FERRY3: variants seen among roughly 807,000 people sequenced by gnomAD.
The protein encoded by FERRY3 is FERRY endosomal RAB5 effector complex subunit 3.
the FERRY3 span, chr12:4,525,411 T>A: frequency 6.2e-7 from 1 of 1,601,536 alleles, no homozygotes; most frequent in Non-Finnish European, 8.5e-7. Context: ...TTAATTTTTT[T>A]AACAAAAACA....
At chr12:4,527,354 A>AT in the FERRY3 span, among the ~76,000 whole-genome samples, 13,408 of 152,170 alleles carry the variant, frequency 0.088, 704 homozygotes, top group Non-Finnish European at 0.12. Flanking sequence ...GATACAATAT[A>AT]TTTTTTCTAT....
chr12:4,491,333 AAC>A, the FERRY3 span: 2 of 1,114,276 alleles, frequency 1.8e-6, no homozygotes, highest in African/African-American at 3.1e-5. Context: ...CCATGTTGTG[AAC>A]AGATTTAGGT....
At chr12:4,511,230 A>T in the FERRY3 span, among the ~76,000 whole-genome samples, 1 of 151,834 alleles carries the variant, frequency 6.6e-6, no homozygotes, top group East Asian at 1.9e-4. Flanking sequence ...GAGCACCCAG[A>T]TTCATAAAGC....
chr12:4,489,683 T>A, the FERRY3 span: 2 of 676,232 alleles, frequency 3.0e-6, no homozygotes, highest in African/African-American at 3.6e-5. Context: ...ACATGTATCT[T>A]GATTTGTGGA....
At chr12:4,528,066 G>T in the FERRY3 span, among the ~76,000 whole-genome samples, 25 of 152,090 alleles carry the variant, frequency 1.6e-4, no homozygotes, top group Admixed American at 1.6e-3. Flanking sequence ...TTTCTAGGGG[G>T]TAGAGGCAGC....
At chr12:4,489,651 A>C in the FERRY3 span, 1 of 509,904 alleles carries the variant, frequency 2.0e-6, no homozygotes, top group African/African-American at 1.9e-5. Flanking sequence ...GCAGTATATA[A>C]ATTTTTGGAA....
the FERRY3 span, among the ~76,000 whole-genome samples, chr12:4,534,489 G>T: frequency 6.6e-6 from 1 of 152,132 alleles, no homozygotes; most frequent in East Asian, 1.9e-4. Context: ...CTGCAGCCCT[G>T]AATTCCCGGA....
chr12:4,512,012 AAGAG>A, the FERRY3 span, among the ~76,000 whole-genome samples: 70 of 121,466 alleles, frequency 5.8e-4, no homozygotes, highest in African/African-American at 2.3e-3. Flanking sequence ...TAAAGAAAAA[AAGAG>A]AGAAGAATCA....
chr12:4,511,263 A>T, the FERRY3 span, among the ~76,000 whole-genome samples: 1 of 151,226 alleles, frequency 6.6e-6, no homozygotes, highest in African/African-American at 2.4e-5. Context: ...ACCTACAAAG[A>T]GACTTAGACT....
At chr12:4,531,264 G>A in the FERRY3 span, among the ~76,000 whole-genome samples, 8 of 152,064 alleles carry the variant, frequency 5.3e-5, no homozygotes, top group Non-Finnish European at 1.0e-4. Flanking sequence ...TTAGACGTGC[G>A]ACTGCTGTAG....
At chr12:4,496,657 T>A in the FERRY3 span, among the ~76,000 whole-genome samples, 1 of 152,204 alleles carries the variant, frequency 6.6e-6, no homozygotes, top group African/African-American at 2.4e-5. Context: ...ACGCCTTCTA[T>A]CTAAAGCTCA....
the FERRY3 span, among the ~76,000 whole-genome samples, chr12:4,532,158 ATTC>A: frequency 2.0e-5 from 3 of 149,676 alleles, no homozygotes; most frequent in South Asian, 2.1e-4. Flanking sequence ...GCCGAAGACA[ATTC>A]TTCTTCCAGT....
the FERRY3 span, chr12:4,518,966 C>T: frequency 3.6e-6 from 3 of 832,124 alleles, no homozygotes; most frequent in South Asian, 2.4e-5. Flanking sequence ...GAAAACTGAA[C>T]AGCTGAAAGT....
chr12:4,533,880 G>T, the FERRY3 span, among the ~76,000 whole-genome samples: 1 of 152,096 alleles, frequency 6.6e-6, no homozygotes, highest in Non-Finnish European at 1.5e-5. Context: ...TAACTTAACT[G>T]GGTGTCCTAT....
At chr12:4,497,523 A>C in the FERRY3 span, among the ~76,000 whole-genome samples, 26 of 152,332 alleles carry the variant, frequency 1.7e-4, no homozygotes, top group African/African-American at 5.5e-4. Context: ...AGTTAAAAAC[A>C]AACAACAAAA....
At chr12:4,500,079 T>C in the FERRY3 span, 3 of 1,470,758 alleles carry the variant, frequency 2.0e-6, no homozygotes, top group Non-Finnish European at 2.8e-6. Flanking sequence ...ATATTGGGGG[T>C]TAAATCAATA....
chr12:4,513,557 T>C, the FERRY3 span, among the ~76,000 whole-genome samples: 1 of 151,354 alleles, frequency 6.6e-6, no homozygotes, highest in Non-Finnish European at 1.5e-5. Flanking sequence ...TATAGATCAA[T>C]GGAACAGAAC....
the FERRY3 span, among the ~76,000 whole-genome samples, chr12:4,508,127 A>G: frequency 6.6e-6 from 1 of 152,234 alleles, no homozygotes; most frequent in East Asian, 1.9e-4. Flanking sequence ...TTATGACTAG[A>G]TAGCCACATT....
chr12:4,504,136 G>A, the FERRY3 span, among the ~76,000 whole-genome samples: 3 of 152,208 alleles, frequency 2.0e-5, no homozygotes, highest in South Asian at 2.1e-4. Flanking sequence ...GCTAACAGAC[G>A]GGGCCTGACA....
Sources: gnomAD v4.1 joint callset for allele counts (sites outside exome capture counted in the v4.1 genomes callset) on GRCh38, gnomAD v4.1.1 for gene constraint, MANE v1.5 for transcripts, NCBI Gene and HGNC (gene_info 2026-07-23, HGNC 2026-07-21) for gene names.